The following SLC9A9 variants were observed in gnomAD, a reference collection of about 807,000 sequenced individuals.
The protein encoded by SLC9A9 is sodium/hydrogen exchanger 9.
In SLC9A9, 62 loss-of-function variants were observed where a neutral mutation model predicts 77.8. That is an observed-to-expected ratio of 0.80 (90% CI 0.65 to 0.98). SLC9A9 has a LOEUF of 0.98. Among genes scored for constraint, SLC9A9 ranks in the 50% least tolerant of loss-of-function variants. SLC9A9 has a pLI of 0.00. For synonymous variants in SLC9A9, 320 were observed against 283.5 expected (o/e 1.13, Z -1.29); for missense variants, 775 against 774.9 (o/e 1.00, Z 0.00).
chr3:143,512,994 C>T (rs980267227), intron 9 of SLC9A9, among the ~76,000 whole-genome samples: 1 of 152,214 alleles, frequency 6.6e-6, no homozygotes, highest in Non-Finnish European at 1.5e-5. Flanking sequence ...AATCTTTTTC[C>T]TAGTGGAGGG....
chr3:143,356,809 C>T (rs2032604944), intron 14 of SLC9A9, among the ~76,000 whole-genome samples: 1 of 152,172 alleles, frequency 6.6e-6, no homozygotes, highest in Non-Finnish European at 1.5e-5. Flanking sequence ...GCCACTGAAC[C>T]CAGCCTCTTT....
At chr3:143,571,617 A>G (rs939065067) in intron 8 of SLC9A9, among the ~76,000 whole-genome samples, 1 of 97,454 alleles carries the variant, frequency 1.0e-5, no homozygotes, top group Non-Finnish European at 2.1e-5. Flanking sequence ...GCCCACTTTG[A>G]TAAGCATGAC....
chr3:143,717,771 A>T (rs1934392783), intron 4 of SLC9A9, among the ~76,000 whole-genome samples: 1 of 152,214 alleles, frequency 6.6e-6, no homozygotes. Context: ...CTTCCAGTAA[A>T]GTCTTTTTAG....
chr3:143,671,932 C>G (rs2039160736), intron 5 of SLC9A9, among the ~76,000 whole-genome samples: 1 of 152,180 alleles, frequency 6.6e-6, no homozygotes, highest in South Asian at 2.1e-4. Context: ...TGTTCTCTCA[C>G]AGCAATACCA....
intron 4 of SLC9A9, among the ~76,000 whole-genome samples, chr3:143,761,226 A>G (rs1261548671): frequency 6.6e-6 from 1 of 152,224 alleles, no homozygotes; most frequent in Non-Finnish European, 1.5e-5. Context: ...TTAGACTTAA[A>G]ACCATAAAAA....
At chr3:143,637,212 T>G (rs2038538137) in intron 6 of SLC9A9, among the ~76,000 whole-genome samples, 1 of 152,006 alleles carries the variant, frequency 6.6e-6, no homozygotes, top group Non-Finnish European at 1.5e-5. Flanking sequence ...AAGGGGAAGT[T>G]GAAAACCAAT....
chr3:143,696,714 G>A (rs1165347234), intron 4 of SLC9A9, among the ~76,000 whole-genome samples: 1 of 152,012 alleles, frequency 6.6e-6, no homozygotes, highest in Non-Finnish European at 1.5e-5. Flanking sequence ...AGTTAATTTT[G>A]CAAGTTAGGA....
intron 11 of SLC9A9, among the ~76,000 whole-genome samples, chr3:143,492,922 A>G (rs1167952410): frequency 6.6e-6 from 1 of 152,252 alleles, no homozygotes; most frequent in Non-Finnish European, 1.5e-5. Flanking sequence ...AGGTCTTTGA[A>G]CAGGGAAAGA....
rs1937685792 is a variant in SLC9A9, at chr3:143,265,647, T to TATCA, written c.*1051_*1054dup. 2.6e-6 allele frequency: 1 copy of TATCA among 388,150 alleles called. No homozygotes were observed. Among genetic ancestry groups the TATCA allele is most frequent in the South Asian group, 1.4e-4 (1 of 7,278 alleles). 24.0% of individuals were successfully genotyped at this position (388,150 alleles called of 1,614,324 possible). A position where few individuals can be genotyped will look rare whatever the true frequency, so the allele number is the denominator to read the frequency against. The stretch of plus-strand genomic sequence containing the variant: ...CAGGTCATGCAGCTGAATTAAAAGC[T>TATCA]ATCATGTTGGTCTCTGGAATGCAGG... On this transcript the variant is annotated 3_prime_UTR_variant, in exon 16 of 16. Transcript: ENST00000316549.
intron 14 of SLC9A9, among the ~76,000 whole-genome samples, chr3:143,294,320 G>A (rs1334147127): frequency 6.6e-6 from 1 of 152,192 alleles, no homozygotes. Context: ...GGAAGGGGGA[G>A]CGGTTTAGGA....
At chr3:143,583,268 G>T (rs1014908828) in intron 6 of SLC9A9, among the ~76,000 whole-genome samples, 1 of 152,138 alleles carries the variant, frequency 6.6e-6, no homozygotes, top group African/African-American at 2.4e-5. Flanking sequence ...AAATTAGTTT[G>T]ATGACAGTGT....
chr3:143,709,245 C>T (rs1036768505), intron 4 of SLC9A9, among the ~76,000 whole-genome samples: 1 of 152,094 alleles, frequency 6.6e-6, no homozygotes, highest in Non-Finnish European at 1.5e-5. Context: ...CAAGGCTGTA[C>T]CCCAGACCAA....
intron 4 of SLC9A9, among the ~76,000 whole-genome samples, chr3:143,698,650 A>G (rs1411000387): frequency 2.0e-5 from 3 of 152,236 alleles, no homozygotes; most frequent in Admixed American, 2.0e-4. Flanking sequence ...ATTTAAAAAT[A>G]TAGTAACTTA....
intron 5 of SLC9A9, among the ~76,000 whole-genome samples, chr3:143,667,488 A>C (rs1476556265): frequency 6.6e-6 from 1 of 152,232 alleles, no homozygotes; most frequent in East Asian, 1.9e-4. Context: ...AATGGGATCT[A>C]ATTAAACTAA....
chr3:143,677,804 T>C (rs1172396118), intron 5 of SLC9A9, among the ~76,000 whole-genome samples: 1 of 151,484 alleles, frequency 6.6e-6, no homozygotes, highest in African/African-American at 2.4e-5. Context: ...TGTGTGTCTA[T>C]GAATTGCCTC....
intron 5 of SLC9A9, among the ~76,000 whole-genome samples, chr3:143,668,620 A>G (rs1467813799): frequency 6.6e-6 from 1 of 152,196 alleles, no homozygotes; most frequent in African/African-American, 2.4e-5. Flanking sequence ...TAGTTTGTTC[A>G]TCTGCGCATT....
At chr3:143,552,142 A>G (rs77545569) in intron 9 of SLC9A9, among the ~76,000 whole-genome samples, 3,488 of 152,284 alleles carry the variant, frequency 0.023, 142 homozygotes, top group African/African-American at 0.08. Flanking sequence ...AACATCTCTC[A>G]GGAGGGAGAG....
At position 143,681,078 on chromosome 3, in the gene SLC9A9, A is replaced by G. The variant is rs183397944; in HGVS notation, c.649+12114T>C. 1.4e-3 allele frequency among the ~76,000 whole-genome samples: 208 copies of G among 152,282 alleles called. 1 individual carries two copies. The highest frequency in any genetic ancestry group is 3.4e-3 in the Admixed American group (52 of 15,286). On this transcript the variant is annotated intron_variant, in intron 5 of 15. Coordinates refer to ENST00000316549, the MANE Select transcript of SLC9A9 (RefSeq NM_173653.4). ...AGCTTTCTCCCACTGAATTCTAATG[A>G]CCACTCTCTCCTCTTGTTGCTTTGA... is the stretch of plus-strand genomic sequence containing the variant.
chr3:143,714,239 G>A (rs1012380618), intron 4 of SLC9A9, among the ~76,000 whole-genome samples: 6 of 152,084 alleles, frequency 3.9e-5, no homozygotes, highest in African/African-American at 1.4e-4. Flanking sequence ...TGGCTTTGAG[G>A]AGGACCTGCA....
Sources: gnomAD v4.1 joint callset for allele counts (sites outside exome capture counted in the v4.1 genomes callset) on GRCh38, gnomAD v4.1.1 for gene constraint, MANE v1.5 for transcripts, NCBI Gene and HGNC (gene_info 2026-07-23, HGNC 2026-07-21) for gene names.